The following AKAP19 variants were observed in gnomAD, a reference collection of about 807,000 sequenced individuals.
The protein encoded by AKAP19 is small A-kinase anchoring protein.
the AKAP19 span, among the ~76,000 whole-genome samples, chr2:190,168,217 C>G: frequency 2.6e-5 from 4 of 152,202 alleles, no homozygotes; most frequent in African/African-American, 9.7e-5. Flanking sequence ...GAAGCAACAG[C>G]CCCAGCTATA....
At chr2:189,984,288 G>T in the AKAP19 span, among the ~76,000 whole-genome samples, 5 of 152,194 alleles carry the variant, frequency 3.3e-5, no homozygotes, top group Middle Eastern at 3.4e-3. Context: ...CACCCTGGGG[G>T]GGCCAGTTCA....
At chr2:189,882,092 C>A in the AKAP19 span, among the ~76,000 whole-genome samples, 2 of 152,126 alleles carry the variant, frequency 1.3e-5, no homozygotes, top group Admixed American at 1.3e-4. Context: ...TGGGTGAATT[C>A]CTCTCTGAAG....
chr2:190,172,692 T>G, the AKAP19 span, among the ~76,000 whole-genome samples: 1 of 152,238 alleles, frequency 6.6e-6, no homozygotes, highest in South Asian at 2.1e-4. Context: ...GAAGGAGCAC[T>G]GGCTTTGGAC....
chr2:190,066,712 G>A, the AKAP19 span, among the ~76,000 whole-genome samples: 3 of 152,080 alleles, frequency 2.0e-5, no homozygotes, highest in African/African-American at 7.2e-5. Flanking sequence ...CATGAATATG[G>A]GAATAGAAGG....
chr2:190,119,893 G>C, the AKAP19 span, among the ~76,000 whole-genome samples: 1 of 152,318 alleles, frequency 6.6e-6, no homozygotes, highest in South Asian at 2.1e-4. Context: ...GGAGTTATAG[G>C]AGAAATAGTA....
At chr2:190,059,437 T>C in the AKAP19 span, among the ~76,000 whole-genome samples, 53,112 of 151,798 alleles carry the variant, frequency 0.35, 13,305 homozygotes, top group African/African-American at 0.71. Context: ...GGTTAACTAG[T>C]ATGTAACTTG....
At chr2:190,193,268 A>G in the AKAP19 span, among the ~76,000 whole-genome samples, 12 of 152,156 alleles carry the variant, frequency 7.9e-5, no homozygotes, top group Admixed American at 2.6e-4. Context: ...TGTCTTTGGA[A>G]TATCCTTGAA....
At chr2:190,135,426 T>C in the AKAP19 span, among the ~76,000 whole-genome samples, 3 of 152,222 alleles carry the variant, frequency 2.0e-5, no homozygotes, top group Non-Finnish European at 2.9e-5. Context: ...ATATGCACAC[T>C]AAATTTTGAA....
At chr2:189,881,750 T>C in the AKAP19 span, among the ~76,000 whole-genome samples, 3 of 152,028 alleles carry the variant, frequency 2.0e-5, no homozygotes, top group African/African-American at 7.2e-5. Context: ...GCCTGCAAAA[T>C]AGAAAGATTA....
At chr2:189,984,164 C>A in the AKAP19 span, among the ~76,000 whole-genome samples, 31,071 of 151,944 alleles carry the variant, frequency 0.2, 3,410 homozygotes, top group African/African-American at 0.29. Context: ...TTGAGATCAA[C>A]CTGTCTGACC....
At chr2:189,921,813 C>T in the AKAP19 span, among the ~76,000 whole-genome samples, 1 of 152,106 alleles carries the variant, frequency 6.6e-6, no homozygotes, top group Non-Finnish European at 1.5e-5. Context: ...CCTTCTCACA[C>T]ATAATGAAGA....
the AKAP19 span, among the ~76,000 whole-genome samples, chr2:189,902,486 A>G: frequency 6.6e-6 from 1 of 152,096 alleles, no homozygotes; most frequent in African/African-American, 2.4e-5. Flanking sequence ...GACGTTTTAA[A>G]TGCATCATTT....
At chr2:189,967,739 A>C in the AKAP19 span, among the ~76,000 whole-genome samples, 1 of 151,588 alleles carries the variant, frequency 6.6e-6, no homozygotes, top group East Asian at 2.1e-4. Context: ...ACTTGAGCCC[A>C]GGTGTTCAAT....
chr2:190,195,612 A>G, the AKAP19 span, among the ~76,000 whole-genome samples: 1 of 152,178 alleles, frequency 6.6e-6, no homozygotes, highest in African/African-American at 2.4e-5. Context: ...TAGCTTGTTC[A>G]TATTTGTATT....
chr2:189,925,820 G>C, the AKAP19 span, among the ~76,000 whole-genome samples: 2 of 151,978 alleles, frequency 1.3e-5, no homozygotes, highest in Non-Finnish European at 2.9e-5. Flanking sequence ...AGTAGAGAGA[G>C]AAAAAATCAA....
chr2:190,183,593 G>C, the AKAP19 span, among the ~76,000 whole-genome samples: 58 of 152,172 alleles, frequency 3.8e-4, no homozygotes, highest in Middle Eastern at 3.4e-3. Context: ...AGTCTGTAAA[G>C]TCTAGGAATT....
chr2:189,977,534 C>G, the AKAP19 span, among the ~76,000 whole-genome samples: 4 of 152,138 alleles, frequency 2.6e-5, no homozygotes, highest in African/African-American at 9.7e-5. Context: ...TGATGTTTTT[C>G]TAAAAAATGG....
At chr2:190,016,252 G>A in the AKAP19 span, among the ~76,000 whole-genome samples, 2 of 152,182 alleles carry the variant, frequency 1.3e-5, no homozygotes, top group Non-Finnish European at 2.9e-5. Flanking sequence ...AAGGGAAGAG[G>A]TTTAATTGAC....
chr2:189,895,003 T>C, the AKAP19 span, among the ~76,000 whole-genome samples: 3 of 151,888 alleles, frequency 2.0e-5, no homozygotes, highest in Admixed American at 6.6e-5. Context: ...AGTACTGAAT[T>C]CTAGACAATT....
Sources: allele counts gnomAD v4.1 joint callset (sites outside exome capture counted in the v4.1 genomes callset), GRCh38; gene constraint gnomAD v4.1.1; transcripts MANE v1.5; gene names NCBI Gene and HGNC (gene_info 2026-07-23, HGNC 2026-07-21).